Variants in UMODL1 observed in about 807,000 individuals in gnomAD.
UMODL1 encodes uromodulin-like 1.
Under a neutral mutation model 136.3 loss-of-function variants are expected in UMODL1, and 128 were observed. The ratio of observed to expected loss-of-function variants is 0.94; its 90% confidence interval spans 0.81 to 1.09. The LOEUF is 1.09. UMODL1 is among the 50% of genes least tolerant of loss of function. UMODL1 has a pLI of 0.00. For missense variants in UMODL1, 1,766 were observed against 1,725.6 expected (o/e 1.02, Z -0.41); for synonymous variants, 721 against 720.0 (o/e 1.00, Z -0.02).
intron 21 of UMODL1, among the ~76,000 whole-genome samples, chr21:42,131,939 G>A (rs1012545038): frequency 6.6e-6 from 1 of 152,190 alleles, no homozygotes; most frequent in South Asian, 2.1e-4. Flanking sequence ...CTCATTAATA[G>A]ATAATGTGTT....
chr21:42,110,278 A>G (rs2066801303), intron 10 of UMODL1, among the ~76,000 whole-genome samples: 1 of 152,236 alleles, frequency 6.6e-6, no homozygotes, highest in Admixed American at 6.5e-5. Flanking sequence ...GCAGTGACTG[A>G]TTAGCAATGT....
intron 14 of UMODL1, among the ~76,000 whole-genome samples, chr21:42,117,876 G>A (rs942111345): frequency 3.3e-5 from 5 of 152,176 alleles, no homozygotes; most frequent in Admixed American, 2.6e-4. Context: ...TTTCCTTCCC[G>A]AGTTTCTTGA....
At position 42,121,285 on chromosome 21, in the gene UMODL1, C is replaced by T. The variant is rs1178983202; in HGVS notation, c.2827+61C>T. On this transcript the variant is annotated intron_variant, in intron 16 of 22. Transcript: ENST00000408910. Reference sequence around the variant, plus strand: ...TATCATAATCGGTTTTTTTTAAGGACATTCACGTGCAAAGGGCTTCTTGTC... The same window carrying T: ...TATCATAATCGGTTTTTTTTAAGGATATTCACGTGCAAAGGGCTTCTTGTC... 3 of 1,550,322 alleles carry T rather than the reference C, an allele frequency of 1.9e-6. 1 individual carries two copies. The highest frequency in any genetic ancestry group is 2.5e-5 in the South Asian group (2 of 81,262).
chr21:42,092,432 G>A (rs984078127), intron 6 of UMODL1, among the ~76,000 whole-genome samples: 2 of 151,154 alleles, frequency 1.3e-5, no homozygotes, highest in African/African-American at 4.9e-5. Flanking sequence ...TGCTACATGT[G>A]TAATTTTATA....
intron 12 of UMODL1, 97 bp from the exon 13 acceptor site, chr21:42,113,476 C>A: frequency 6.8e-7 from 1 of 1,466,450 alleles, no homozygotes; most frequent in Non-Finnish European, 9.2e-7. Context: ...CGCTCATGTC[C>A]CCATGGTGAT....
rs1364477762 is a variant in UMODL1 at position 42,123,560 on chromosome 21, T to C, written c.3147+410T>C. ...GTGTATGTGGGGGTGTGCATGTGTG[T>C]GAATGTGTGTAAATGTGTGAATCTG... On this transcript the variant is annotated intron_variant, in intron 17 of 22. Coordinates refer to ENST00000408910, the MANE Select transcript of UMODL1 (RefSeq NM_001004416.3). This position sits in a 1 kb window ranked among gnomAD's most constrained non-coding sequence, Gnocchi z 4.4. Among the ~76,000 whole-genome samples, 1 of 151,544 alleles carries C rather than the reference T, an allele frequency of 6.6e-6. No homozygotes were observed. The highest frequency in any genetic ancestry group is 1.5e-5 in the Non-Finnish European group (1 of 67,904).
chr21:42,141,585 C>T (rs192245495), intron 22 of UMODL1, among the ~76,000 whole-genome samples: 4 of 152,230 alleles, frequency 2.6e-5, no homozygotes, highest in East Asian at 3.9e-4. Context: ...TTAAAACATC[C>T]GAGGGAAAAC....
chr21:42,104,123 C>A, intron 9 of UMODL1, 36 bp downstream of exon 9: 1 of 1,575,708 alleles, frequency 6.3e-7, no homozygotes, highest in Non-Finnish European at 8.6e-7. Context: ...GCCTGGTGTC[C>A]TCCAGCTCAG....
In UMODL1 at chr21:42,079,607, G is replaced by A. The variant is rs116585114; in HGVS notation, c.319+3360G>A. ...AGGGGGCAGATCTAGAAGGAGGAAGGAAGAGAAGAGGGAGGGAAACAGGCA... is the reference window on the plus strand; with the variant it reads ...AGGGGGCAGATCTAGAAGGAGGAAGAAAGAGAAGAGGGAGGGAAACAGGCA... On this transcript the variant is annotated intron_variant, in intron 2 of 22. Transcript: ENST00000408910. 4.1e-3 allele frequency among the ~76,000 whole-genome samples: 620 copies of A among 152,340 alleles called. 6 individuals carry two copies. The highest frequency in any genetic ancestry group is 0.014 in the African/African-American group (595 of 41,568).
At chr21:42,130,975 G>A (rs942525126) in intron 21 of UMODL1, among the ~76,000 whole-genome samples, 8 of 152,122 alleles carry the variant, frequency 5.3e-5, no homozygotes, top group South Asian at 4.2e-4. Flanking sequence ...CGCCACGCCC[G>A]GCTAATTTTT....
chr21:42,074,596 A>T (rs2066266676), intron 1 of UMODL1, among the ~76,000 whole-genome samples: 1 of 152,164 alleles, frequency 6.6e-6, no homozygotes, highest in African/African-American at 2.4e-5. Flanking sequence ...TGGAGGGGCG[A>T]TGGGCCTTGT....
intron 2 of UMODL1, 73 bp from the exon 3 acceptor site, chr21:42,084,011 C>T (rs1435658836): frequency 4.7e-5 from 73 of 1,553,260 alleles, no homozygotes; most frequent in East Asian, 2.3e-4. Context: ...GAAGCACCGA[C>T]GTGAGGTCCC....
In UMODL1 at chr21:42,123,233, A is replaced by T. The variant is rs139987056; in HGVS notation, c.3147+83A>T. 1.4e-3 allele frequency: 2,130 copies of T among 1,470,338 alleles called. 18 individuals are homozygous for T. The African/African-American group carries it at 0.022, about 15-fold the overall frequency. 91.1% of individuals were successfully genotyped at this position (1,470,338 alleles called of 1,614,324 possible). A position where few individuals can be genotyped will look rare whatever the true frequency, so the allele number is the denominator to read the frequency against. ...ACATGGGCCTCGATGTGGGAGGGCC[A>T]GGCAAGACTCTGCACCCCGAGGGGA... On this transcript the variant is annotated intron_variant, in intron 17 of 22. Transcript: ENST00000408910. This position sits in a 1 kb window ranked among gnomAD's most constrained non-coding sequence, Gnocchi z 4.4.
intron 10 of UMODL1, 83 bp from the exon 11 acceptor site, chr21:42,110,797 T>C: frequency 7.4e-7 from 1 of 1,342,708 alleles, no homozygotes; most frequent in South Asian, 1.4e-5. Flanking sequence ...GCAGTCCTGC[T>C]GGACGGCCAT....
At chr21:42,068,654 A>G (rs1486326365), upstream of UMODL1, among the ~76,000 whole-genome samples, 1 of 152,158 alleles carries the variant, frequency 6.6e-6, no homozygotes, top group Non-Finnish European at 1.5e-5. This position sits in a 1 kb window ranked among gnomAD's most constrained non-coding sequence, Gnocchi z 5.5. Context: ...GCCCATATAC[A>G]TATGAGTGAA....
rs964929833 is a variant in UMODL1 at position 42,113,779 on chromosome 21, G to C, written c.2311G>C (p.Ala771Pro). The C allele has an allele frequency of 6.2e-7, 1 of 1,614,066 alleles. No homozygotes were observed. Residue 771 changes from alanine (A) to proline (P), a missense_variant, in exon 13 of 23, where the codon GCC (alanine) becomes CCC (proline). By Grantham distance (27) the Ala-to-Pro change is conservative (BLOSUM62 -1). Coordinates refer to ENST00000408910, the MANE Select transcript of UMODL1 (RefSeq NM_001004416.3). ...PGVLHLVEIM[A>P]KACGKEGARA... ...GGTCTTGCACCTGGTTGAGATCATG[G>C]CCAAAGCATGTGGGAAAGAAGGTGC...
intron 13 of UMODL1, among the ~76,000 whole-genome samples, chr21:42,114,113 C>T (rs149836119): frequency 4.6e-5 from 7 of 152,302 alleles, no homozygotes; most frequent in South Asian, 2.1e-4. Flanking sequence ...CCATGTCCTC[C>T]GGGGGAGGCA....
Position 42,129,752 on chromosome 21 carries a change from T to G in UMODL1, c.3730T>G (p.Ser1244Ala). The G allele has an allele frequency of 1.3e-6, 2 of 1,594,380 alleles. No individual in the cohort carries two copies. Among genetic ancestry groups the G allele is most frequent in the Non-Finnish European group, 1.7e-6 (2 of 1,172,756 alleles). ...TCGGTTGCTGCAAAATAGTGAAACC[T>G]CTGCCACACACCAGATGTCCTGGGG... ...NFRLLQNSETSATHQMSWGPL... is the reference protein window; with the variant it reads ...NFRLLQNSETAATHQMSWGPL... Residue 1244 changes from serine to alanine, a missense_variant, in exon 21 of 23, where the codon TCT (serine) becomes GCT (alanine). Transcript: ENST00000408910.
rs996291151 is a variant in UMODL1 at position 42,085,625 on chromosome 21, G to T, written c.603+213G>T. On this transcript the variant is annotated intron_variant, in intron 4 of 22. Transcript: ENST00000408910. The surrounding 1 kb of genome is among the most constrained non-coding windows in gnomAD (Gnocchi z 4.5). ...GCAACAAAATGCACACAACTGAAGC[G>T]TGTAGTTGGCTGAGTTGTTATGTGT... Among the ~76,000 whole-genome samples the T allele has an allele frequency of 6.6e-6, 1 of 152,212 alleles. No individual in the cohort carries two copies. The highest frequency in any genetic ancestry group is 2.1e-4 in the South Asian group (1 of 4,830).
Sources: gnomAD v4.1 joint callset for allele counts (sites outside exome capture counted in the v4.1 genomes callset) on GRCh38, gnomAD v4.1.1 for gene constraint, Gnocchi (gnomAD v3.1) non-coding constraint, MANE v1.5 for transcripts, NCBI Gene and HGNC (gene_info 2026-07-23, HGNC 2026-07-21) for gene names.